MOB4: variants seen among roughly 807,000 people sequenced by gnomAD.
MOB4 encodes the protein MOB family member 4, phocein.
In MOB4, 4 loss-of-function variants were observed where a neutral mutation model predicts 32.2. The ratio of observed to expected loss-of-function variants is 0.12; its 90% CI spans 0.06 to 0.28. The LOEUF is 0.28. Ranked by LOEUF, MOB4 falls within the 10% of genes least tolerant of loss-of-function variation. The pLI is 1.00. For synonymous variants in MOB4, 88 were observed against 88.1 expected (o/e 1.00, Z 0.01); for missense variants, 158 against 271.2 (o/e 0.58, Z 2.93).
intron 2 of MOB4, among the ~76,000 whole-genome samples, chr2:197,530,058 C>T (rs114971483): frequency 0.015 from 2,320 of 152,040 alleles, 52 homozygotes; most frequent in African/African-American, 0.053. Flanking sequence ...CAATCCCCAC[C>T]CCCTGGGTTC....
At chr2:197,541,061 G>A (rs534133861) in intron 5 of MOB4, among the ~76,000 whole-genome samples, 1 of 151,656 alleles carries the variant, frequency 6.6e-6, no homozygotes, top group South Asian at 2.1e-4. Context: ...CTATCATGCC[G>A]GGCTAATTTT....
intron 1 of MOB4, among the ~76,000 whole-genome samples, chr2:197,521,600 C>T (rs1231092324): frequency 5.3e-5 from 8 of 152,092 alleles, no homozygotes; most frequent in East Asian, 3.9e-4. Flanking sequence ...CCTACAGTTT[C>T]GACCATAGAA....
At position 197,553,613 on chromosome 2, in the gene MOB4, TG is replaced by T; in HGVS notation, c.*2968del. 1 of 152,256 alleles carries T rather than the reference TG, an allele frequency of 6.6e-6. No homozygotes were observed. Among genetic ancestry groups the T allele is most frequent in the Non-Finnish European group, 1.5e-5 (1 of 68,048 alleles). 9.4% of individuals were successfully genotyped at this position (152,256 alleles called of 1,614,324 possible). Reference sequence around the variant, plus strand: ...ATTTTAAATTGTATATACTTTATTTTGTGAATCCTTGTTGAATGTGCTAAAG... The same window carrying T: ...ATTTTAAATTGTATATACTTTATTTTTGAATCCTTGTTGAATGTGCTAAAG... On this transcript the variant is annotated 3_prime_UTR_variant, in exon 8 of 8. Transcript: ENST00000323303.
At chr2:197,534,829 C>T (rs1206965422) in intron 2 of MOB4, among the ~76,000 whole-genome samples, 4 of 152,084 alleles carry the variant, frequency 2.6e-5, no homozygotes, top group Non-Finnish European at 5.9e-5. Context: ...AGGCATGAGC[C>T]CCGACGCCCG....
chr2:197,522,739 G>A (rs1261489061), intron 1 of MOB4, among the ~76,000 whole-genome samples: 3 of 151,920 alleles, frequency 2.0e-5, no homozygotes, highest in Admixed American at 2.0e-4. Context: ...CTTATGGGTC[G>A]ATCATGGTGG....
rs1008850821 is a variant in MOB4, at chr2:197,525,644, G to T, written c.123+1958G>T. The stretch of plus-strand genomic sequence containing the variant: ...GCTACTTAGGAGGCTGAGGTGGGAG[G>T]AAAGGGTTTATGGTGAGCTGTGATT... On this transcript the variant is annotated intron_variant, in intron 2 of 7. Coordinates refer to ENST00000323303, the MANE Select transcript of MOB4 (RefSeq NM_015387.5). 2.7e-5 allele frequency among the ~76,000 whole-genome samples: 4 copies of T among 149,452 alleles called. No individual in the cohort carries two copies. In the Admixed American group the frequency reaches 2.7e-4, roughly 10 times the overall value.
At chr2:197,544,545 A>G (rs1282871419) in intron 5 of MOB4, among the ~76,000 whole-genome samples, 5 of 152,168 alleles carry the variant, frequency 3.3e-5, no homozygotes, top group African/African-American at 9.6e-5. Flanking sequence ...CGAGGTCAGG[A>G]GATCAAGACC....
chr2:197,524,916 G>A (rs373845745), intron 2 of MOB4, among the ~76,000 whole-genome samples: 16 of 152,170 alleles, frequency 1.1e-4, no homozygotes, highest in Middle Eastern at 3.4e-3. Flanking sequence ...GACTATAGGC[G>A]CACACTGCCA....
At position 197,550,756 on chromosome 2, in the gene MOB4, A is replaced by G. The variant is rs185836058; in HGVS notation, c.*110A>G. On this transcript the variant is annotated 3_prime_UTR_variant, in exon 8 of 8. Transcript: ENST00000323303. ...ATATTATAGCTTCTTTGTTTAGTATAGGTTTTTGTATGCTGGGTTTGCCTT... is the reference window on the plus strand; with the variant it reads ...ATATTATAGCTTCTTTGTTTAGTATGGGTTTTTGTATGCTGGGTTTGCCTT... The G allele has an allele frequency of 2.6e-4, 345 of 1,334,544 alleles. 1 individual carries two copies. In the African/African-American group the frequency reaches 4.8e-3, roughly 19 times the overall value. 82.7% of individuals were successfully genotyped at this position (1,334,544 alleles called of 1,614,324 possible). A position where few individuals can be genotyped will look rare whatever the true frequency, so the allele number is the denominator to read the frequency against.
At chr2:197,531,491 T>C (rs977711258) in intron 2 of MOB4, among the ~76,000 whole-genome samples, 4 of 152,228 alleles carry the variant, frequency 2.6e-5, no homozygotes, top group Non-Finnish European at 4.4e-5. Context: ...CTCTTTTTTT[T>C]CTCAGCCTAC....
At chr2:197,524,004 C>G (rs1436980130) in intron 2 of MOB4, among the ~76,000 whole-genome samples, 1 of 152,194 alleles carries the variant, frequency 6.6e-6, no homozygotes, top group Admixed American at 6.5e-5. Context: ...GCTGCCAGCA[C>G]TTTGGGAGGC....
At chr2:197,521,704 G>A (rs1187511053) in intron 1 of MOB4, among the ~76,000 whole-genome samples, 2 of 152,178 alleles carry the variant, frequency 1.3e-5, no homozygotes, top group Non-Finnish European at 2.9e-5. Flanking sequence ...AGAATTCAGC[G>A]ATATTTCTCC....
At chr2:197,549,177 G>A (rs936531914) in intron 6 of MOB4, among the ~76,000 whole-genome samples, 10 of 151,888 alleles carry the variant, frequency 6.6e-5, no homozygotes, top group Non-Finnish European at 1.0e-4. Context: ...GTGGTGAGCC[G>A]AGATCGCGCC....
chr2:197,548,795 T>G (rs2087043148), intron 6 of MOB4, among the ~76,000 whole-genome samples: 1 of 152,120 alleles, frequency 6.6e-6, no homozygotes, highest in Admixed American at 6.6e-5. Context: ...GCCAGTTCAG[T>G]CTAAGGCTAG....
intron 1 of MOB4, among the ~76,000 whole-genome samples, chr2:197,522,144 C>T (rs1449148242): frequency 6.6e-6 from 1 of 152,178 alleles, no homozygotes; most frequent in Non-Finnish European, 1.5e-5. Context: ...GCCGGTCCCT[C>T]AGTTTGGGGT....
rs1481613376 is a variant in MOB4, at chr2:197,553,033, G to A, written c.*2387G>A. On this transcript the variant is annotated 3_prime_UTR_variant, in exon 8 of 8. Transcript: ENST00000323303. ...TTCCCATAAGTAACCCTTCTTTTGT[G>A]TGTATACATTTCCTTTTCTCTGACT... The A allele has an allele frequency of 1.3e-5, 2 of 152,142 alleles. No individual in the cohort carries two copies. The highest frequency in any genetic ancestry group is 2.4e-5 in the African/African-American group (1 of 41,422). 9.4% of individuals were successfully genotyped at this position (152,142 alleles called of 1,614,324 possible). A position where few individuals can be genotyped will look rare whatever the true frequency, so the allele number is the denominator to read the frequency against.
intron 2 of MOB4, among the ~76,000 whole-genome samples, chr2:197,529,267 T>C (rs532691417): frequency 6.6e-6 from 1 of 152,302 alleles, no homozygotes; most frequent in East Asian, 1.9e-4. Context: ...CGCGGCCAGC[T>C]GATCTTCATT....
At chr2:197,531,380 A>G (rs998926989) in intron 2 of MOB4, among the ~76,000 whole-genome samples, 2 of 152,076 alleles carry the variant, frequency 1.3e-5, no homozygotes, top group Non-Finnish European at 2.9e-5. Context: ...GTTCTGTGGC[A>G]TGAAGTACAT....
chr2:197,534,406 C>G (rs950042398), intron 2 of MOB4, among the ~76,000 whole-genome samples: 2 of 151,456 alleles, frequency 1.3e-5, no homozygotes, highest in African/African-American at 4.9e-5. Flanking sequence ...TTTTTTTAAA[C>G]TTAGTTTTTT....
Sources: gnomAD v4.1 joint callset for allele counts (sites outside exome capture counted in the v4.1 genomes callset) on GRCh38, gnomAD v4.1.1 for gene constraint, MANE v1.5 for transcripts, NCBI Gene and HGNC (gene_info 2026-07-23, HGNC 2026-07-21) for gene names.